Variants in GBP1 observed in about 807,000 individuals in gnomAD.
The protein encoded by GBP1 is guanylate binding protein 1.
A neutral mutation model predicts 69.5 loss-of-function variants in GBP1; 64 were observed. The ratio of observed to expected loss-of-function variants is 0.92; its 90% confidence interval spans 0.75 to 1.13. GBP1 has a LOEUF of 1.13. Ranked by LOEUF, GBP1 falls within the 50% of genes most tolerant of loss-of-function variation. The pLI, the probability that GBP1 is intolerant of heterozygous loss-of-function variation, is 0.00. For synonymous variants in GBP1, 250 were observed against 261.2 expected, an observed-to-expected ratio of 0.96 and a Z score of 0.41; for missense variants, 630 against 704.1, an observed-to-expected ratio of 0.89 and a Z score of 1.19.
intron 2 of GBP1, 124 bp downstream of exon 2, chr1:89,062,921 T>A (rs551325488): frequency 8.4e-7 from 1 of 1,183,756 alleles, no homozygotes; most frequent in Non-Finnish European, 1.2e-6. Context: ...GGAGCCCGAC[T>A]GTGAATGGAA....
chr1:89,057,692 T>G (rs1475398235), intron 6 of GBP1, among the ~76,000 whole-genome samples: 1 of 152,118 alleles, frequency 6.6e-6, no homozygotes, highest in Non-Finnish European at 1.5e-5. Context: ...ACTTTTAAAT[T>G]TTCCCTATTT....
At chr1:89,063,365 A>G in intron 1 of GBP1, 112 bp from the exon 2 acceptor site, 1 of 844,164 alleles carries the variant, frequency 1.2e-6, no homozygotes, top group Non-Finnish European at 1.9e-6. Context: ...AGCAAAAGAG[A>G]TGAGGCAAAA....
Position 89,052,780 on chromosome 1 carries a change from C to T in GBP1, c.*575G>A, listed in dbSNP as rs1679949781. The T allele has an allele frequency of 1.3e-5, 2 of 152,232 alleles. No individual in the cohort carries two copies. The highest frequency in any genetic ancestry group is 6.5e-5 in the Admixed American group (1 of 15,280). 9.4% of individuals were successfully genotyped at this position (152,232 alleles called of 1,614,324 possible). A position where few individuals can be genotyped will look rare whatever the true frequency, so the allele number is the denominator to read the frequency against. On this transcript the variant is annotated 3_prime_UTR_variant, in exon 11 of 11. Transcript: ENST00000370473. ...AATTGTTTATCACTCAATTCCTACT[C>T]CTGCCCATGGTTTCTTCCACCTTCC...
At chr1:89,064,653 G>A (rs542534556) in intron 1 of GBP1, among the ~76,000 whole-genome samples, 1 of 152,278 alleles carries the variant, frequency 6.6e-6, no homozygotes, top group African/African-American at 2.4e-5. Flanking sequence ...CTTTCAGGCT[G>A]AGTTTCAGTT....
intron 1 of GBP1, among the ~76,000 whole-genome samples, chr1:89,064,238 TGTGA>T (rs1420276863): frequency 0.022 from 2,480 of 112,298 alleles, 14 homozygotes; most frequent in African/African-American, 0.036. Context: ...TGTGTGTGTG[TGTGA>T]GAGAGAGAGA....
At chr1:89,057,190 A>C in intron 6 of GBP1, 56 bp from the exon 7 acceptor site, 1 of 1,602,432 alleles carries the variant, frequency 6.2e-7, no homozygotes, top group Non-Finnish European at 8.5e-7. Context: ...TCTCTATTCC[A>C]TGTAATTCTG....
chr1:89,062,045 C>A (rs2101233617), intron 2 of GBP1, among the ~76,000 whole-genome samples: 1 of 151,650 alleles, frequency 6.6e-6, no homozygotes, highest in South Asian at 2.1e-4. Flanking sequence ...AAATTAGAAC[C>A]CTTGTGCATT....
At chr1:89,055,248 G>T in intron 8 of GBP1, 33 bp from the exon 9 acceptor site, 2 of 1,612,016 alleles carry the variant, frequency 1.2e-6, no homozygotes, top group Non-Finnish European at 1.7e-6. Flanking sequence ...GTGAGAAGTA[G>T]GAAATGGCTG....
At chr1:89,061,383 T>G (rs535757499) in intron 2 of GBP1, among the ~76,000 whole-genome samples, 1 of 152,242 alleles carries the variant, frequency 6.6e-6, no homozygotes, top group African/African-American at 2.4e-5. Context: ...GTCAAATGAT[T>G]TCCAGTATGG....
At chr1:89,061,287 A>C (rs1368302421) in intron 2 of GBP1, among the ~76,000 whole-genome samples, 1 of 152,188 alleles carries the variant, frequency 6.6e-6, no homozygotes, top group Non-Finnish European at 1.5e-5. Flanking sequence ...ACGTATTACA[A>C]AACCATGTGT....
intron 2 of GBP1, 125 bp downstream of exon 2, chr1:89,062,920 C>A: frequency 8.6e-7 from 1 of 1,164,574 alleles, no homozygotes; most frequent in South Asian, 1.4e-5. Context: ...AGGAGCCCGA[C>A]TGTGAATGGA....
intron 3 of GBP1, 96 bp from the exon 4 acceptor site, chr1:89,059,522 T>G (rs1570939231): frequency 1.7e-6 from 2 of 1,184,796 alleles, no homozygotes; most frequent in South Asian, 1.7e-5. Context: ...TGTTAGAGGG[T>G]TTTTTTTTCT....
At chr1:89,059,529 T>C in intron 3 of GBP1, 103 bp from the exon 4 acceptor site, 1 of 1,192,398 alleles carries the variant, frequency 8.4e-7, no homozygotes, top group Non-Finnish European at 1.1e-6. Flanking sequence ...GGGTTTTTTT[T>C]TCTTTTCTTT....
Position 89,058,133 on chromosome 1 carries a change from T to C in GBP1, c.733A>G (p.Arg245Gly), listed in dbSNP as rs192316615. 5 of 1,614,190 alleles carry C rather than the reference T, an allele frequency of 3.1e-6. No homozygotes were observed. The highest frequency in any genetic ancestry group is 4.2e-6 in the Non-Finnish European group (5 of 1,180,018). The change falls in exon 6 of 11, where the codon AGG becomes GGG. Residue 245 changes from arginine to glycine, a missense_variant. This residue lies in a region of GBP1 where 367 missense variants were observed against 369.5 expected (regional missense o/e 0.99). Transcript: ENST00000370473. ...CFVFDRPVHR[R>G]KLAQLEKLQD... ...AGTTTCTCGAGCTGGGCAAGCTTCC[T>C]GCGGTGAACGGGCCGATCAAAGACA... is the stretch of plus-strand genomic sequence containing the variant.
In GBP1 at chr1:89,055,118, A is replaced by G. The variant is rs775794732; in HGVS notation, c.1466T>C (p.Ile489Thr). The change falls in exon 9 of 11, where the codon ATT becomes ACT. Residue 489 changes from isoleucine to threonine, a missense_variant. Around this residue, in one of 5 missense-constraint regions of GBP1, gnomAD observed 35 missense variants for 68.6 expected, o/e 0.51. Coordinates refer to ENST00000370473, the MANE Select transcript of GBP1 (RefSeq NM_002053.3). Reference sequence around the variant, plus strand: ...TCTCTTAACTCACTCCTCACCTTCAATCTCCTTTTCTTTTTCTGTGAGAGT... The same window carrying G: ...TCTCTTAACTCACTCCTCACCTTCAGTCTCCTTTTCTTTTTCTGTGAGAGT... ...DQTLTEKEKE[I>T]EVERVKAESA... 1.1e-4 allele frequency: 174 copies of G among 1,608,056 alleles called. No homozygotes were observed. Among genetic ancestry groups the G allele is most frequent in the Non-Finnish European group, 1.4e-4 (166 of 1,178,110 alleles).
chr1:89,057,868 C>T, intron 6 of GBP1, 124 bp downstream of exon 6: 2 of 1,067,556 alleles, frequency 1.9e-6, no homozygotes, highest in Non-Finnish European at 2.7e-6. Context: ...AACATTGGTG[C>T]CATCTAGAAT....
At chr1:89,054,395 C>T (rs1351750107) in intron 10 of GBP1, among the ~76,000 whole-genome samples, 1 of 151,812 alleles carries the variant, frequency 6.6e-6, no homozygotes, top group Non-Finnish European at 1.5e-5. Flanking sequence ...CCACAATGCC[C>T]CACCGAGATA....
chr1:89,061,408 T>C (rs948360560), intron 2 of GBP1, among the ~76,000 whole-genome samples: 1 of 152,154 alleles, frequency 6.6e-6, no homozygotes, highest in African/African-American at 2.4e-5. Context: ...CAAGATCATT[T>C]AATGAAGAAA....
chr1:89,059,867 A>G (rs1173540250), intron 3 of GBP1, among the ~76,000 whole-genome samples: 1 of 152,232 alleles, frequency 6.6e-6, no homozygotes, highest in Admixed American at 6.5e-5. Context: ...TAAATATTCA[A>G]AATAATACTA....
Sources: gnomAD v4.1 joint callset for allele counts (sites outside exome capture counted in the v4.1 genomes callset) on GRCh38, gnomAD v4.1.1 for gene constraint, gnomAD v4.1.1 regional missense constraint, MANE v1.5 for transcripts, NCBI Gene and HGNC (gene_info 2026-07-23, HGNC 2026-07-21) for gene names.